PACRG: variants seen among roughly 807,000 people sequenced by gnomAD.
PACRG encodes the protein parkin coregulated gene protein.
In PACRG, 29 loss-of-function variants were observed where a neutral mutation model predicts 29.7. The observed-to-expected ratio is 0.98, with a 90% CI of 0.73 to 1.33. The LOEUF (loss-of-function observed/expected upper bound fraction) is 1.33, where lower values mean the gene tolerates loss of function less well. Among genes scored for constraint, PACRG ranks in the 40% most tolerant of loss-of-function variants. The probability of loss-of-function intolerance (pLI) is 0.00; values close to 1 mark genes in which losing one functional copy is unlikely to be tolerated. For missense variants in PACRG, 279 were observed against 316.2 expected (o/e 0.88, Z 0.89); for synonymous variants, 116 against 118.7 (o/e 0.98, Z 0.15).
At chr6:163,277,607 G>A (rs1784088030) in intron 4 of PACRG, among the ~76,000 whole-genome samples, 1 of 146,822 alleles carries the variant, frequency 6.8e-6, no homozygotes, top group African/African-American at 2.5e-5. Context: ...TACATACTTT[G>A]TCTATATATG....
At chr6:163,005,943 A>T (rs1267929433) in intron 2 of PACRG, among the ~76,000 whole-genome samples, 1 of 146,928 alleles carries the variant, frequency 6.8e-6, no homozygotes, top group African/African-American at 2.5e-5. Context: ...CATGTATAAC[A>T]GTTATACATG....
At chr6:163,169,955 G>A (rs148135669) in intron 4 of PACRG, among the ~76,000 whole-genome samples, 2 of 152,266 alleles carry the variant, frequency 1.3e-5, no homozygotes, top group East Asian at 3.9e-4. Flanking sequence ...TGTCCTCACA[G>A]GGTCGTCCCT....
chr6:163,314,739 G>A (rs1239223991), intron 4 of PACRG, 88 bp from the exon 5 acceptor site: 1 of 1,396,940 alleles, frequency 7.2e-7, no homozygotes, highest in Non-Finnish European at 9.6e-7. Context: ...CTCCTAATAA[G>A]CATTCAGAGA....
At chr6:162,997,031 C>A (rs950928032) in intron 2 of PACRG, among the ~76,000 whole-genome samples, 10 of 152,062 alleles carry the variant, frequency 6.6e-5, no homozygotes, top group Admixed American at 6.5e-4. Context: ...ATGATTCAGT[C>A]ATTTGTTTAC....
At chr6:163,143,015 A>G (rs868110933) in intron 4 of PACRG, among the ~76,000 whole-genome samples, 5 of 152,218 alleles carry the variant, frequency 3.3e-5, no homozygotes, top group African/African-American at 1.2e-4. Flanking sequence ...GAAAGAAGAC[A>G]GCGGTGGAAA....
intron 2 of PACRG, among the ~76,000 whole-genome samples, chr6:162,904,112 C>G (rs1319010993): frequency 6.6e-6 from 1 of 152,214 alleles, no homozygotes; most frequent in East Asian, 1.9e-4. Context: ...CCTTCCTCCT[C>G]CTTCAGAACC....
At chr6:163,024,513 C>T (rs1806938183) in intron 2 of PACRG, among the ~76,000 whole-genome samples, 1 of 152,142 alleles carries the variant, frequency 6.6e-6, no homozygotes, top group African/African-American at 2.4e-5. Context: ...CAATATGGTG[C>T]CTCCACCTAT....
At chr6:163,296,191 G>C (rs959451711) in intron 4 of PACRG, among the ~76,000 whole-genome samples, 1 of 152,104 alleles carries the variant, frequency 6.6e-6, no homozygotes, top group Admixed American at 6.5e-5. Flanking sequence ...GGGTAGAATA[G>C]TAGAACTAAT....
intron 4 of PACRG, among the ~76,000 whole-genome samples, chr6:163,175,744 A>AAGG (rs3061922): frequency 0.4 from 54,261 of 136,560 alleles, 11,408 homozygotes; most frequent in Non-Finnish European, 0.48. Context: ...GCACCTGTCA[A>AAGG]AGGAGGAGGA....
intron 2 of PACRG, among the ~76,000 whole-genome samples, chr6:163,032,606 T>C (rs1309409365): frequency 3.3e-5 from 5 of 152,220 alleles, no homozygotes; most frequent in Admixed American, 2.6e-4. Context: ...ATCAGAATTA[T>C]AAGAGTTTTT....
intron 2 of PACRG, among the ~76,000 whole-genome samples, chr6:162,867,295 A>G (rs562921501): frequency 2.6e-5 from 4 of 152,160 alleles, no homozygotes; most frequent in South Asian, 4.2e-4. Context: ...GTTTTGTTTT[A>G]TTCTATTTTT....
At position 162,975,779 on chromosome 6, in the gene PACRG, T is replaced by TC. The variant is rs58882733; in HGVS notation, c.292-86371_292-86370insC. Among the ~76,000 whole-genome samples, 405 of 151,700 alleles carry TC rather than the reference T, an allele frequency of 2.7e-3. 5 individuals carry two copies. Among genetic ancestry groups the TC allele is most frequent in the African/African-American group, 9.2e-3 (380 of 41,428 alleles). On this transcript the variant is annotated intron_variant, in intron 2 of 4. Coordinates refer to ENST00000366888, the MANE Select transcript of PACRG (RefSeq NM_001080379.2). Reference sequence around the variant, plus strand: ...AGCAGGTCCTTCTTCTCTCCCTCCCTTCTTCTCTCCCTTTTCTCCCTTTTT... The same window carrying TC: ...AGCAGGTCCTTCTTCTCTCCCTCCCTCTCTTCTCTCCCTTTTCTCCCTTTTT...
At chr6:162,924,608 T>G (rs1797298074) in intron 2 of PACRG, among the ~76,000 whole-genome samples, 1 of 152,152 alleles carries the variant, frequency 6.6e-6, no homozygotes, top group African/African-American at 2.4e-5. Flanking sequence ...GATGTAGAAT[T>G]TTATTAAATG....
At chr6:163,153,133 T>G (rs1778167853) in intron 4 of PACRG, among the ~76,000 whole-genome samples, 1 of 152,264 alleles carries the variant, frequency 6.6e-6, no homozygotes, top group Non-Finnish European at 1.5e-5. Flanking sequence ...TTTTCTATCC[T>G]GAGTAATGGT....
intron 2 of PACRG, among the ~76,000 whole-genome samples, chr6:162,926,033 A>T (rs1487963516): frequency 1.3e-5 from 2 of 152,126 alleles, no homozygotes; most frequent in Non-Finnish European, 2.9e-5. Flanking sequence ...GAGCCAAATC[A>T]TGAATGAACT....
intron 4 of PACRG, among the ~76,000 whole-genome samples, chr6:163,174,487 G>A (rs1276472456): frequency 6.6e-6 from 1 of 152,146 alleles, no homozygotes; most frequent in African/African-American, 2.4e-5. Flanking sequence ...TTTTACCATA[G>A]AGAGACTGTA....
At chr6:162,901,191 G>C (rs74549466) in intron 2 of PACRG, among the ~76,000 whole-genome samples, 2,371 of 152,296 alleles carry the variant, frequency 0.016, 56 homozygotes, top group African/African-American at 0.053. Context: ...ATCGGCTCTA[G>C]GAGATGGAAC....
At chr6:162,914,055 A>G (rs995525903) in intron 2 of PACRG, among the ~76,000 whole-genome samples, 1 of 152,144 alleles carries the variant, frequency 6.6e-6, no homozygotes, top group Non-Finnish European at 1.5e-5. Flanking sequence ...AAAAGAGAAA[A>G]TGTATTTAAT....
intron 2 of PACRG, among the ~76,000 whole-genome samples, chr6:162,822,719 A>G (rs1355453613): frequency 6.6e-6 from 1 of 152,228 alleles, no homozygotes; most frequent in Non-Finnish European, 1.5e-5. Flanking sequence ...ATTCTTGAAT[A>G]TCTTGAAAAT....
Sources: allele counts gnomAD v4.1 joint callset (sites outside exome capture counted in the v4.1 genomes callset), GRCh38; gene constraint gnomAD v4.1.1; transcripts MANE v1.5; gene names NCBI Gene and HGNC (gene_info 2026-07-23, HGNC 2026-07-21).